The following IL1RAPL1 variants were observed in gnomAD, a reference collection of about 807,000 sequenced individuals.
IL1RAPL1 encodes interleukin 1 receptor accessory protein like 1, also known as interleukin-1 receptor accessory protein-like 1.
A neutral mutation model predicts 48.4 loss-of-function variants in IL1RAPL1; 3 were observed. That is an observed-to-expected ratio of 0.06 (90% CI 0.03 to 0.16). The LOEUF is 0.16. Ranked by LOEUF, IL1RAPL1 falls within the 10% of genes least tolerant of loss-of-function variation. The pLI is 1.00. For missense variants in IL1RAPL1, 349 were observed against 530.6 expected, an observed-to-expected ratio of 0.66 and a Z score of 3.36; for synonymous variants, 185 against 187.7, an observed-to-expected ratio of 0.99 and a Z score of 0.12.
intron 5 of IL1RAPL1, among the ~76,000 whole-genome samples, chrX:29,615,593 G>A (rs932215326): frequency 9.0e-6 from 1 of 110,756 alleles, no homozygotes; most frequent in Non-Finnish European, 1.9e-5. Context: ...GTAGTTCCAG[G>A]ACATCCCACA....
chrX:29,497,007 T>A (rs1935221490), intron 5 of IL1RAPL1, among the ~76,000 whole-genome samples: 1 of 112,912 alleles, frequency 8.9e-6, no homozygotes. Flanking sequence ...CTCCAATATT[T>A]GAGGTTTGCA....
chrX:29,706,636 T>C (rs1323651125), intron 6 of IL1RAPL1, among the ~76,000 whole-genome samples: 1 of 111,899 alleles, frequency 8.9e-6, no homozygotes, highest in Non-Finnish European at 1.9e-5. Context: ...ATGCAAAAGA[T>C]GGGCCAAATA....
At chrX:29,521,153 T>C (rs187035264) in intron 5 of IL1RAPL1, among the ~76,000 whole-genome samples, 3 of 112,818 alleles carry the variant, frequency 2.7e-5, no homozygotes, top group African/African-American at 9.6e-5. Flanking sequence ...TTTGTCGTAT[T>C]TCTTTCAAAC....
intron 1 of IL1RAPL1, among the ~76,000 whole-genome samples, chrX:28,711,659 A>G (rs750544192): frequency 9.2e-6 from 1 of 108,877 alleles, no homozygotes; most frequent in African/African-American, 3.3e-5. Context: ...GATTATTTTT[A>G]CCATTACGTA....
chrX:28,631,430 A>C (rs922393963), intron 1 of IL1RAPL1, among the ~76,000 whole-genome samples: 1 of 112,174 alleles, frequency 8.9e-6, no homozygotes, highest in Non-Finnish European at 1.9e-5. Context: ...GAGCAATAAA[A>C]TAAAATAAAT....
intron 2 of IL1RAPL1, among the ~76,000 whole-genome samples, chrX:29,163,884 ATGT>A (rs1471689988): frequency 1.8e-5 from 2 of 111,757 alleles, no homozygotes; most frequent in Non-Finnish European, 3.8e-5. Flanking sequence ...GGCTTTGAAT[ATGT>A]TTGTCTTTTT....
At chrX:29,918,142 A>T (rs200030861) in intron 7 of IL1RAPL1, among the ~76,000 whole-genome samples, 10 of 47,725 alleles carry the variant, frequency 2.1e-4, no homozygotes, top group African/African-American at 9.2e-4. Flanking sequence ...AAAAAAAAAA[A>T]AAATATATAT....
rs1384471723 is a variant in IL1RAPL1, at chrX:28,792,871, CATT to C, written c.82+3449_82+3451del. ...TATATAAAAAATAAGGCAATTATAT[CATT>C]ATAACATTCTTGATTGAAATATTAA... On this transcript the variant is annotated intron_variant, in intron 2 of 10. Coordinates refer to ENST00000378993, the MANE Select transcript of IL1RAPL1 (RefSeq NM_014271.4). 8.3e-5 allele frequency among the ~76,000 whole-genome samples: 5 copies of C among 60,583 alleles called. No individual in the cohort carries two copies. In the East Asian group the frequency reaches 1.8e-3, roughly 22 times the overall value. 52.6% of individuals were successfully genotyped at this position (60,583 alleles called of 115,157 possible). A position where few individuals can be genotyped will look rare whatever the true frequency, so the allele number is the denominator to read the frequency against.
In IL1RAPL1 at chrX:29,911,252, A is replaced by C. The variant is rs1932754292; in HGVS notation, c.779-6212A>C. Among the ~76,000 whole-genome samples the C allele has an allele frequency of 2.7e-5, 3 of 111,972 alleles. 1 individual carries two copies. The highest frequency in any genetic ancestry group is 5.6e-5 in the Non-Finnish European group (3 of 53,160). On this transcript the variant is annotated intron_variant, in intron 6 of 10. Transcript: ENST00000378993. ...AAGAAACCAGACATAAAAGGCAATA[A>C]TATTGTATGACTACATTTATACCAG...
intron 2 of IL1RAPL1, among the ~76,000 whole-genome samples, chrX:28,900,772 A>C (rs1024306850): frequency 9.0e-6 from 1 of 111,437 alleles, no homozygotes. Flanking sequence ...TGGGATTTTT[A>C]TTTTAGAAGC....
intron 5 of IL1RAPL1, among the ~76,000 whole-genome samples, chrX:29,517,569 A>G (rs1239315876): frequency 8.9e-6 from 1 of 111,734 alleles, no homozygotes. Flanking sequence ...GAGAGAAACT[A>G]TGGAATTGTT....
chrX:29,856,428 C>G (rs1931478708), intron 6 of IL1RAPL1, among the ~76,000 whole-genome samples: 1 of 111,922 alleles, frequency 8.9e-6, no homozygotes, highest in African/African-American at 3.2e-5. Context: ...TCATGTATTA[C>G]ATAGCATCCA....
chrX:29,173,629 T>C (rs1424089240), intron 2 of IL1RAPL1, among the ~76,000 whole-genome samples: 2 of 111,946 alleles, frequency 1.8e-5, no homozygotes, highest in Non-Finnish European at 3.8e-5. Flanking sequence ...AATGATCATT[T>C]ACAAGTTATA....
At chrX:29,695,876 T>C (rs781437673) in intron 6 of IL1RAPL1, among the ~76,000 whole-genome samples, 1 of 111,524 alleles carries the variant, frequency 9.0e-6, no homozygotes, top group East Asian at 2.8e-4. Context: ...AAACTTATGC[T>C]ATTCTTATTG....
chrX:28,998,611 A>G (rs1229580869), intron 2 of IL1RAPL1, among the ~76,000 whole-genome samples: 1 of 112,184 alleles, frequency 8.9e-6, no homozygotes, highest in Middle Eastern at 4.2e-3. Flanking sequence ...TTGAAACTCA[A>G]TGCTTTTGCA....
chrX:29,288,111 T>C (rs1159917377), intron 3 of IL1RAPL1, among the ~76,000 whole-genome samples: 2 of 111,984 alleles, frequency 1.8e-5, no homozygotes, highest in Admixed American at 1.9e-4. Context: ...TTTGAAGAAA[T>C]GCTTATTTTA....
chrX:29,298,424 A>G (rs1451085932), intron 3 of IL1RAPL1, among the ~76,000 whole-genome samples: 1 of 112,068 alleles, frequency 8.9e-6, no homozygotes, highest in Non-Finnish European at 1.9e-5. Context: ...GAGGTTGCAC[A>G]AAAGTTCCAC....
At chrX:29,918,230 CT>C (rs1167465272) in intron 7 of IL1RAPL1, among the ~76,000 whole-genome samples, 68 of 55,325 alleles carry the variant, frequency 1.2e-3, no homozygotes, top group African/African-American at 2.6e-3. Flanking sequence ...TATATGAGAC[CT>C]TTTTTTTAAA....
At chrX:28,713,632 C>T (rs753399845) in intron 1 of IL1RAPL1, among the ~76,000 whole-genome samples, 13 of 110,698 alleles carry the variant, frequency 1.2e-4, no homozygotes, top group South Asian at 1.2e-3. Context: ...TTTTCATTTT[C>T]GAAAAAATGC....
Sources: allele counts gnomAD v4.1 joint callset (sites outside exome capture counted in the v4.1 genomes callset), GRCh38; gene constraint gnomAD v4.1.1; transcripts MANE v1.5; gene names NCBI Gene and HGNC (gene_info 2026-07-23, HGNC 2026-07-21).